Variants in ATG9A observed in about 807,000 individuals in gnomAD.
ATG9A encodes the protein autophagy related 9A, also known as autophagy-related protein 9A.
ATG9A carries 21 observed loss-of-function variants against 87.1 expected under a neutral mutation model. That is an observed-to-expected ratio of 0.24 (90% confidence interval 0.17 to 0.35). The LOEUF (loss-of-function observed/expected upper bound fraction) is 0.35. ATG9A is among the 10% of genes least tolerant of loss of function. The pLI, the probability that ATG9A is intolerant of heterozygous loss-of-function variation, is 1.00. For synonymous variants in ATG9A, 422 were observed against 441.3 expected (o/e 0.96, Z 0.55); for missense variants, 836 against 1,107.3 (o/e 0.76, Z 3.48).
rs1328196309 is a variant in ATG9A at position 219,222,629 on chromosome 2, G to A, written c.1848+16C>T. ...AGTCCACTCTGCCCATCATCTCCCA[G>A]TCACCAGGAACACACCTCAGACTCA... On this transcript the variant is annotated intron_variant, in intron 11 of 15. Transcript: ENST00000361242. The surrounding 1 kb of genome is among the most constrained non-coding windows in gnomAD (Gnocchi z 4.3). 1 of 1,611,882 alleles carries A rather than the reference G, an allele frequency of 6.2e-7. No individual in the cohort carries two copies. The highest frequency in any genetic ancestry group is 8.5e-7 in the Non-Finnish European group (1 of 1,178,254).
Position 219,220,234 on chromosome 2 carries a change from G to C in ATG9A, c.*213C>G. 1 of 600,326 alleles carries C rather than the reference G, an allele frequency of 1.7e-6. No individual in the cohort carries two copies. Among genetic ancestry groups the C allele is most frequent in the Admixed American group, 3.0e-5 (1 of 33,730 alleles). 37.2% of individuals were successfully genotyped at this position (600,326 alleles called of 1,614,324 possible). On this transcript the variant is annotated 3_prime_UTR_variant, in exon 16 of 16. Transcript: ENST00000361242. ...AGGGGGTCCTGGGGATGAGGCTAGA[G>C]TCCCGTGTGCCCTCGGTTCCTAGGC... is the stretch of plus-strand genomic sequence containing the variant.
rs1034708794 is a variant in ATG9A at position 219,224,726 on chromosome 2, G to C, written c.645C>G (p.Phe215Leu). The C allele has an allele frequency of 2.5e-6, 4 of 1,614,240 alleles. No individual in the cohort carries two copies. The highest frequency in any genetic ancestry group is 1.6e-4 in the Middle Eastern group (1 of 6,062). ...ELDIYHRILR[F>L]QNYMVALVNK... ...TAACCAGTGCCACCATGTAGTTCTGGAAACGGAGGATGCGGTGGTAGATGT... is the reference window on the plus strand; with the variant it reads ...TAACCAGTGCCACCATGTAGTTCTGCAAACGGAGGATGCGGTGGTAGATGT... The change falls in exon 8 of 16, where the codon TTC (phenylalanine) becomes TTG (leucine). Residue 215 changes from phenylalanine (F) to leucine (L), a missense_variant. Phe to Leu is a conservative substitution (Grantham distance 22). Around this residue, in one of 2 missense-constraint regions of ATG9A, gnomAD observed 512 missense variants for 759.6 expected, o/e 0.67. Transcript: ENST00000361242. The surrounding 1 kb of genome is among the most constrained non-coding windows in gnomAD (Gnocchi z 7.7).
chr2:219,226,082 T>C (rs72955439), intron 5 of ATG9A, among the ~76,000 whole-genome samples: 14,373 of 152,160 alleles, frequency 0.094, 818 homozygotes, highest in South Asian at 0.19. Context: ...GTACGTTCCA[T>C]TGGAGCGTTG....
Position 219,223,565 on chromosome 2 carries a change from G to T in ATG9A, c.1599+20C>A. On this transcript the variant is annotated intron_variant, in intron 10 of 15. Transcript: ENST00000361242. The surrounding 1 kb of genome is among the most constrained non-coding windows in gnomAD (Gnocchi z 4.7). ...TTCCAGCATCATCCCAGGCCACCTG[G>T]CTCCCTCCTCTCCCAGTACCTGGGG... 6.3e-7 allele frequency: 1 copy of T among 1,576,574 alleles called. No homozygotes were observed. The highest frequency in any genetic ancestry group is 8.6e-7 in the Non-Finnish European group (1 of 1,161,182).
At chr2:219,226,214 G>A (rs912280821) in intron 5 of ATG9A, among the ~76,000 whole-genome samples, 10 of 152,190 alleles carry the variant, frequency 6.6e-5, no homozygotes, top group East Asian at 2.0e-4. Context: ...AGGTTGAAGC[G>A]ATTCTTGTGC....
At chr2:219,225,923 G>C (rs1168338983) in intron 5 of ATG9A, among the ~76,000 whole-genome samples, 3 of 152,194 alleles carry the variant, frequency 2.0e-5, no homozygotes, top group African/African-American at 7.2e-5. Context: ...GATTGAGGGA[G>C]GGCTTCCTAA....
intron 15 of ATG9A, 115 bp downstream of exon 15, chr2:219,220,632 A>T (rs1390332197): frequency 6.7e-7 from 1 of 1,498,278 alleles, no homozygotes; most frequent in Non-Finnish European, 9.1e-7. Flanking sequence ...TTTGGAAGGG[A>T]GGGTACAGTA....
At position 219,228,036 on chromosome 2, in the gene ATG9A, C is replaced by T. The variant is rs749600081; in HGVS notation, c.-12G>A. 1 of 1,608,458 alleles carries T rather than the reference C, an allele frequency of 6.2e-7. No individual in the cohort carries two copies. Among genetic ancestry groups the T allele is most frequent in the South Asian group, 1.1e-5 (1 of 90,768 alleles). Reference sequence around the variant, plus strand: ...TCAAACTGCGCCATCACCACCGCCCCCTGTCCACCTTGACCACCTGCCAAT... The same window carrying T: ...TCAAACTGCGCCATCACCACCGCCCTCTGTCCACCTTGACCACCTGCCAAT... On this transcript the variant is annotated 5_prime_UTR_variant, in exon 3 of 16. Coordinates refer to ENST00000361242, the MANE Select transcript of ATG9A (RefSeq NM_001077198.3).
rs373511038 is a variant in ATG9A at position 219,224,834 on chromosome 2, C to A, written c.537G>T (p.Thr179=). The change falls in exon 8 of 16, where the codon ACG becomes ACT. Residue 179 remains threonine (T), a synonymous_variant. Transcript: ENST00000361242. This position sits in a 1 kb window ranked among gnomAD's most constrained non-coding sequence, Gnocchi z 7.7. ...CGATCCGGGCCTGCACTTCTTGCCA[C>A]GTGCAATACGGAAGGGCAGACTGCG... The part of the protein sequence containing the change: ...RIPMSALPYC[T]WQEVQARIVQ... 1.2e-6 allele frequency: 2 copies of A among 1,611,772 alleles called. No homozygotes were observed. The highest frequency in any genetic ancestry group is 1.6e-4 in the Middle Eastern group (1 of 6,062).
chr2:219,224,994 A>C lies in ATG9A; in HGVS notation c.516+77T>G, dbSNP rs1398102198. 1 of 1,590,778 alleles carries C rather than the reference A, an allele frequency of 6.3e-7. No homozygotes were observed. The highest frequency in any genetic ancestry group is 8.6e-7 in the Non-Finnish European group (1 of 1,161,556). ...GATTTGTCAATGACAGATAAGGATA[A>C]CTGATGCCCAGGAATACACCCACAC... On this transcript the variant is annotated intron_variant, in intron 7 of 15. Transcript: ENST00000361242. This position sits in a 1 kb window ranked among gnomAD's most constrained non-coding sequence, Gnocchi z 7.7.
intron 6 of ATG9A, 93 bp from the exon 7 acceptor site, chr2:219,225,305 G>C: frequency 6.2e-7 from 1 of 1,600,120 alleles, no homozygotes; most frequent in Non-Finnish European, 8.5e-7. Context: ...GCTAGACCAA[G>C]CCTGAGTCAG....
In ATG9A at chr2:219,225,058, T is replaced by C. The variant is rs748461557; in HGVS notation, c.516+13A>G. 5 of 1,614,008 alleles carry C rather than the reference T, an allele frequency of 3.1e-6. No homozygotes were observed. The African/African-American group carries it at 6.7e-5, about 22-fold the overall frequency. On this transcript the variant is annotated intron_variant, in intron 7 of 15. Transcript: ENST00000361242. ...TTAGACTATGGGCTAACTGCCCAAC[T>C]TCCCAGTCTTACCATAGGGATGCGC...
Position 219,222,212 on chromosome 2 carries a change from A to G in ATG9A, c.2028-45T>C. ...CAGACAGCAGCTGTGAACTTCTCTG[A>G]GACCCACACAAGCTGCTGAGGGCTG... On this transcript the variant is annotated intron_variant, in intron 12 of 15. Transcript: ENST00000361242. This position sits in a 1 kb window ranked among gnomAD's most constrained non-coding sequence, Gnocchi z 4.3. 1 of 1,613,174 alleles carries G rather than the reference A, an allele frequency of 6.2e-7. No homozygotes were observed. Among genetic ancestry groups the G allele is most frequent in the East Asian group, 2.2e-5 (1 of 44,860 alleles).
chr2:219,225,431 A>G lies in ATG9A; in HGVS notation c.354T>C (p.Pro118=). ...VKVTLPDAFL[P]AQVCSARIQE... ...CTTACCTGGCACTACAGACTTGAGC[A>G]GGCAAAAAGGCGTCTGGCAGAGTGA... Residue 118 remains proline (P), a synonymous_variant, in exon 6 of 16, where the codon CCT becomes CCC. Coordinates refer to ENST00000361242, the MANE Select transcript of ATG9A (RefSeq NM_001077198.3). The G allele has an allele frequency of 6.2e-7, 1 of 1,614,180 alleles. No individual in the cohort carries two copies. The highest frequency in any genetic ancestry group is 8.5e-7 in the Non-Finnish European group (1 of 1,180,016).
rs1950955646 is a variant in ATG9A at position 219,229,389 on chromosome 2, C to A, written c.-82+146G>T. On this transcript the variant is annotated intron_variant, in intron 1 of 15. Transcript: ENST00000361242. The surrounding 1 kb of genome is among the most constrained non-coding windows in gnomAD (Gnocchi z 4.2). ...GCCCCCGTCTGCGCGCGCCAGCAATCAAAACATTCCGGCTGCGCGCCCCCG... is the reference window on the plus strand; with the variant it reads ...GCCCCCGTCTGCGCGCGCCAGCAATAAAAACATTCCGGCTGCGCGCCCCCG... The A allele has an allele frequency of 6.6e-6, 1 of 151,910 alleles. No homozygotes were observed. The highest frequency in any genetic ancestry group is 2.1e-4 in the South Asian group (1 of 4,832). The allele number at this position is 151,910 out of a possible 1,614,324, so 9.4% of individuals were successfully genotyped here.
Position 219,223,440 on chromosome 2 carries a change from A to G in ATG9A, c.1599+145T>C. On this transcript the variant is annotated intron_variant, in intron 10 of 15. Transcript: ENST00000361242. The surrounding 1 kb of genome is among the most constrained non-coding windows in gnomAD (Gnocchi z 4.7). ...GCCAAGGGTGCGAATTAGGGCTGAAATCCAGCCCAGGCTCCCAAGCAGTGT... is the reference window on the plus strand; with the variant it reads ...GCCAAGGGTGCGAATTAGGGCTGAAGTCCAGCCCAGGCTCCCAAGCAGTGT... 4.7e-6 allele frequency: 5 copies of G among 1,062,746 alleles called. No homozygotes were observed. The highest frequency in any genetic ancestry group is 6.5e-6 in the Non-Finnish European group (5 of 767,480). The allele number at this position is 1,062,746 out of a possible 1,614,324, so 65.8% of individuals were successfully genotyped here.
chr2:219,220,440 G>C lies in ATG9A; in HGVS notation c.*7C>G, dbSNP rs374847915. 12 of 1,613,634 alleles carry C rather than the reference G, an allele frequency of 7.4e-6. No homozygotes were observed. The highest frequency in any genetic ancestry group is 1.0e-5 in the Non-Finnish European group (12 of 1,179,730). The stretch of plus-strand genomic sequence containing the variant: ...TCCTGGGCCACAGGAACCCTGCTCA[G>C]CCTTGTCTATACCTGTGGGGAGAAA... On this transcript the variant is annotated 3_prime_UTR_variant, in exon 16 of 16. Coordinates refer to ENST00000361242, the MANE Select transcript of ATG9A (RefSeq NM_001077198.3).
chr2:219,221,911 C>T, intron 13 of ATG9A, 139 bp downstream of exon 13: 1 of 757,892 alleles, frequency 1.3e-6, no homozygotes, highest in Non-Finnish European at 2.1e-6. Context: ...TGAGAGCAGG[C>T]TTAGCTAAAA....
rs1950835127 is a variant in ATG9A at position 219,225,096 on chromosome 2, TAGA to T, written c.488_490del (p.Phe163del). ...CATAGGGATGCGCAGAGCGTGCAGGTAGAAGGAGTGGATCTCCCAGTAGCAGCA... is the reference window on the plus strand; with the variant it reads ...CATAGGGATGCGCAGAGCGTGCAGGTAGGAGTGGATCTCCCAGTAGCAGCA... On this transcript the variant is annotated inframe_deletion, in exon 7 of 16. Transcript: ENST00000361242. 3.1e-6 allele frequency: 5 copies of T among 1,614,058 alleles called. No homozygotes were observed. Among genetic ancestry groups the T allele is most frequent in the East Asian group, 2.2e-5 (1 of 44,878 alleles).
Sources: gnomAD v4.1 joint callset for allele counts (sites outside exome capture counted in the v4.1 genomes callset) on GRCh38, gnomAD v4.1.1 for gene constraint, gnomAD v4.1.1 regional missense constraint, Gnocchi (gnomAD v3.1) non-coding constraint, MANE v1.5 for transcripts, NCBI Gene and HGNC (gene_info 2026-07-23, HGNC 2026-07-21) for gene names.